PCDHGC4: variants seen among roughly 807,000 people sequenced by gnomAD.
PCDHGC4 encodes the protein protocadherin gamma-C4.
PCDHGC4 carries 15 observed loss-of-function variants against 59.7 expected under a neutral mutation model. The ratio of observed to expected loss-of-function variants is 0.25; its 90% CI spans 0.17 to 0.39. PCDHGC4 has a LOEUF of 0.39. Among genes scored for constraint, PCDHGC4 ranks in the 10% least tolerant of loss-of-function variants. The probability of loss-of-function intolerance (pLI) is 1.00; values close to 1 mark genes in which losing one functional copy is unlikely to be tolerated. For synonymous variants in PCDHGC4, 434 were observed against 481.4 expected (o/e 0.90, Z 1.29); for missense variants, 1,016 against 1,189.5 (o/e 0.85, Z 2.15).
chr5:141,509,233 AG>A (rs1204393769), intron 3 of PCDHGC4, among the ~76,000 whole-genome samples: 1 of 152,104 alleles, frequency 6.6e-6, no homozygotes, highest in Non-Finnish European at 1.5e-5. Context: ...TTGATGTCCC[AG>A]GATTACTCAG....
At position 141,489,220 on chromosome 5, in the gene PCDHGC4, C is replaced by T; in HGVS notation, c.2442+1605C>T. ...AGACAGGACAGCACAGACTTACTCT[C>T]CACAAAGGGACTTCTGGGTCATGGG... On this transcript the variant is annotated intron_variant, in intron 1 of 3. Transcript: ENST00000306593. This position sits in a 1 kb window ranked among gnomAD's most constrained non-coding sequence, Gnocchi z 4.5. The T allele has an allele frequency of 6.6e-7, 1 of 1,508,698 alleles. No homozygotes were observed. The highest frequency in any genetic ancestry group is 8.9e-7 in the Non-Finnish European group (1 of 1,122,110). The allele number at this position is 1,508,698 out of a possible 1,614,324, so 93.5% of individuals were successfully genotyped here.
chr5:141,487,067 G>C lies in PCDHGC4; in HGVS notation c.1894G>C (p.Val632Leu), dbSNP rs765539804. 3 of 1,614,048 alleles carry C rather than the reference G, an allele frequency of 1.9e-6. No individual in the cohort carries two copies. The highest frequency in any genetic ancestry group is 3.3e-5 in the Admixed American group (2 of 60,010). ...SRYAGEVRTA[V>L]PIPADLPPQK... ...ATATGCTGGGGAGGTGCGGACGGCT[G>C]TTCCTATCCCAGCTGACCTCCCACC... Residue 632 changes from valine (V) to leucine (L), a missense_variant, in exon 1 of 4, where the codon GTT becomes CTT. By Grantham distance (32) the Val-to-Leu change is conservative. Coordinates refer to ENST00000306593, the MANE Select transcript of PCDHGC4 (RefSeq NM_018928.3). The surrounding 1 kb of genome is among the most constrained non-coding windows in gnomAD (Gnocchi z 5.0).
intron 2 of PCDHGC4, among the ~76,000 whole-genome samples, chr5:141,502,404 C>G (rs1270930372): frequency 6.6e-6 from 1 of 151,880 alleles, no homozygotes; most frequent in African/African-American, 2.4e-5. Context: ...TGTCCCCGAA[C>G]CTGGATTTGC....
In PCDHGC4 at chr5:141,505,090, A is replaced by C. The variant is rs1018571873; in HGVS notation, c.2502-303A>C. Among the ~76,000 whole-genome samples the C allele has an allele frequency of 3.9e-5, 6 of 152,188 alleles. 1 individual carries two copies. The South Asian group carries it at 1.2e-3, about 31-fold the overall frequency. ...GGCAGGAGAATCGCTTGAACCCAGG[A>C]GGTGGATGTTGCAATGAGCCAAGAT... On this transcript the variant is annotated intron_variant, in intron 2 of 3. Transcript: ENST00000306593.
At position 141,490,328 on chromosome 5, in the gene PCDHGC4, C is replaced by T; in HGVS notation, c.2442+2713C>T. 2 of 1,614,228 alleles carry T rather than the reference C, an allele frequency of 1.2e-6. No homozygotes were observed. Among genetic ancestry groups the T allele is most frequent in the Non-Finnish European group, 1.7e-6 (2 of 1,180,048 alleles). Reference sequence around the variant, plus strand: ...TTGGCCAACCCTGTCCTAGAGAGCACACCAGTGGGCACAGTAGTGGGGTTG... The same window carrying T: ...TTGGCCAACCCTGTCCTAGAGAGCATACCAGTGGGCACAGTAGTGGGGTTG... On this transcript the variant is annotated intron_variant, in intron 1 of 3. Coordinates refer to ENST00000306593, the MANE Select transcript of PCDHGC4 (RefSeq NM_018928.3). The surrounding 1 kb of genome is among the most constrained non-coding windows in gnomAD (Gnocchi z 5.4).
Position 141,493,689 on chromosome 5 carries a change from C to A in PCDHGC4, c.2443-1118C>A, listed in dbSNP as rs2099749557. The stretch of plus-strand genomic sequence containing the variant: ...GGCAGCCCCAGAATGGTGCTGGTGA[C>A]TCCCGATACACCTGGAATGCTAGGT... On this transcript the variant is annotated intron_variant, in intron 1 of 3. Transcript: ENST00000306593. The surrounding 1 kb of genome is among the most constrained non-coding windows in gnomAD (Gnocchi z 4.3). Among the ~76,000 whole-genome samples the A allele has an allele frequency of 6.6e-6, 1 of 152,218 alleles. No homozygotes were observed. The highest frequency in any genetic ancestry group is 2.4e-5 in the African/African-American group (1 of 41,450).
chr5:141,504,541 C>G (rs1050153403), intron 2 of PCDHGC4, among the ~76,000 whole-genome samples: 2 of 151,728 alleles, frequency 1.3e-5, no homozygotes, highest in Non-Finnish European at 2.9e-5. Context: ...GTCATCATGG[C>G]AAATGTTGGG....
At position 141,490,176 on chromosome 5, in the gene PCDHGC4, G is replaced by T. The variant is rs758876319; in HGVS notation, c.2442+2561G>T. On this transcript the variant is annotated intron_variant, in intron 1 of 3. Transcript: ENST00000306593. This position sits in a 1 kb window ranked among gnomAD's most constrained non-coding sequence, Gnocchi z 5.4. ...TGTTGGGTCCCATAGACTTTGAGGAGTCACGTTTCTATGAAATTCATGCAA... is the reference window on the plus strand; with the variant it reads ...TGTTGGGTCCCATAGACTTTGAGGATTCACGTTTCTATGAAATTCATGCAA... 12 of 1,614,100 alleles carry T rather than the reference G, an allele frequency of 7.4e-6. No homozygotes were observed. Among genetic ancestry groups the T allele is most frequent in the Non-Finnish European group, 1.0e-5 (12 of 1,180,046 alleles).
Position 141,489,214 on chromosome 5 carries a change from T to TA in PCDHGC4, c.2442+1600dup, listed in dbSNP as rs771766565. On this transcript the variant is annotated intron_variant, in intron 1 of 3. Transcript: ENST00000306593. This position sits in a 1 kb window ranked among gnomAD's most constrained non-coding sequence, Gnocchi z 4.5. ...CCTTGGAGACAGGACAGCACAGACTTACTCTCCACAAAGGGACTTCTGGGT... is the reference window on the plus strand; with the variant it reads ...CCTTGGAGACAGGACAGCACAGACTTAACTCTCCACAAAGGGACTTCTGGGT... 216 of 1,480,534 alleles carry TA rather than the reference T, an allele frequency of 1.5e-4. 4 individuals are homozygous for TA. The South Asian group carries it at 2.1e-3, about 14-fold the overall frequency. 91.7% of individuals were successfully genotyped at this position (1,480,534 alleles called of 1,614,324 possible).
At chr5:141,495,257 A>T (rs1411983517) in intron 2 of PCDHGC4, among the ~76,000 whole-genome samples, 1 of 152,200 alleles carries the variant, frequency 6.6e-6, no homozygotes, top group Non-Finnish European at 1.5e-5. Context: ...CTCAGGCAGA[A>T]AAGCATTTGA....
chr5:141,505,803 C>A (rs920849273), intron 3 of PCDHGC4, among the ~76,000 whole-genome samples: 2 of 152,234 alleles, frequency 1.3e-5, no homozygotes, highest in African/African-American at 4.8e-5. Flanking sequence ...GGACTTGGAT[C>A]GACTTGCTCA....
In PCDHGC4 at chr5:141,487,822, G is replaced by T. The variant is rs1406642768; in HGVS notation, c.2442+207G>T. ...TGTCACAGTTTAGCATTGGGGGCGG[G>T]TCATGCCTATATCTGAGTAAGAAAT... On this transcript the variant is annotated intron_variant, in intron 1 of 3. Coordinates refer to ENST00000306593, the MANE Select transcript of PCDHGC4 (RefSeq NM_018928.3). This position sits in a 1 kb window ranked among gnomAD's most constrained non-coding sequence, Gnocchi z 5.0. The T allele has an allele frequency of 3.1e-6, 4 of 1,278,640 alleles. No homozygotes were observed. The East Asian group carries it at 7.6e-5, about 24-fold the overall frequency. 79.2% of individuals were successfully genotyped at this position (1,278,640 alleles called of 1,614,324 possible). A position where few individuals can be genotyped will look rare whatever the true frequency, so the allele number is the denominator to read the frequency against.
In PCDHGC4 at chr5:141,489,365, G is replaced by A. The variant is rs774363104; in HGVS notation, c.2442+1750G>A. ...TCAGTGGTGGAGGAGTCTGAGCCGG[G>A]GACGCTGGTGGGGAATGTTGCTCAG... On this transcript the variant is annotated intron_variant, in intron 1 of 3. Transcript: ENST00000306593. The surrounding 1 kb of genome is among the most constrained non-coding windows in gnomAD (Gnocchi z 4.5). The A allele has an allele frequency of 6.2e-7, 1 of 1,613,512 alleles. No individual in the cohort carries two copies.
At chr5:141,498,863 G>A (rs1311199561) in intron 2 of PCDHGC4, among the ~76,000 whole-genome samples, 2 of 151,466 alleles carry the variant, frequency 1.3e-5, no homozygotes, top group South Asian at 2.1e-4. Context: ...AACCCAGGAG[G>A]CGGAGGTTGC....
At chr5:141,498,971 G>GGAAGGAA (rs2099787559) in intron 2 of PCDHGC4, among the ~76,000 whole-genome samples, 2 of 111,052 alleles carry the variant, frequency 1.8e-5, no homozygotes, top group African/African-American at 7.2e-5. Context: ...GAGGGAGGGA[G>GGAAGGAA]GGAAGGAAGG....
Position 141,486,552 on chromosome 5 carries a change from A to G in PCDHGC4, c.1379A>G (p.His460Arg). Residue 460 changes from histidine to arginine, a missense_variant, in exon 1 of 4, where the codon CAT (histidine) becomes CGT (arginine). Coordinates refer to ENST00000306593, the MANE Select transcript of PCDHGC4 (RefSeq NM_018928.3). This position sits in a 1 kb window ranked among gnomAD's most constrained non-coding sequence, Gnocchi z 5.0. ...CCACCCTCTTTCTTTCAGAGGTCAC[A>G]TGAGGTGTTTGTTCCTGAGAACAAT... is the stretch of plus-strand genomic sequence containing the variant. ...DNPPSFFQRS[H>R]EVFVPENNRP... 1 of 1,614,136 alleles carries G rather than the reference A, an allele frequency of 6.2e-7. No homozygotes were observed. The highest frequency in any genetic ancestry group is 2.2e-5 in the East Asian group (1 of 44,882).
intron 3 of PCDHGC4, among the ~76,000 whole-genome samples, chr5:141,506,833 C>A (rs1462038297): frequency 1.3e-5 from 2 of 152,092 alleles, no homozygotes; most frequent in African/African-American, 4.8e-5. Context: ...AACTGATAGC[C>A]CTGCCCTCCA....
rs776258973 is a variant in PCDHGC4, at chr5:141,489,877, A to G, written c.2442+2262A>G. 1.2e-6 allele frequency: 2 copies of G among 1,614,230 alleles called. No individual in the cohort carries two copies. The highest frequency in any genetic ancestry group is 2.2e-5 in the South Asian group (2 of 91,090). Reference sequence around the variant, plus strand: ...CCAGGCAAGACATCAGCTGGTGCTTACTGCTGTGGATGGGGGGACCCCAGC... The same window carrying G: ...CCAGGCAAGACATCAGCTGGTGCTTGCTGCTGTGGATGGGGGGACCCCAGC... On this transcript the variant is annotated intron_variant, in intron 1 of 3. Coordinates refer to ENST00000306593, the MANE Select transcript of PCDHGC4 (RefSeq NM_018928.3). This position sits in a 1 kb window ranked among gnomAD's most constrained non-coding sequence, Gnocchi z 4.5.
intron 3 of PCDHGC4, among the ~76,000 whole-genome samples, chr5:141,505,782 T>A (rs1163025757): frequency 6.6e-6 from 1 of 152,204 alleles, no homozygotes; most frequent in Non-Finnish European, 1.5e-5. Context: ...CTAGCTCTGC[T>A]ACTATCCTTG....
Sources: allele counts gnomAD v4.1 joint callset (sites outside exome capture counted in the v4.1 genomes callset), GRCh38; gene constraint gnomAD v4.1.1; non-coding constraint Gnocchi (gnomAD v3.1); transcripts MANE v1.5; gene names NCBI Gene and HGNC (gene_info 2026-07-23, HGNC 2026-07-21).